Variants in ASMTL observed in about 807,000 individuals in gnomAD.
ASMTL encodes the protein acetylserotonin O-methyltransferase like, also known as probable bifunctional dTTP/UTP pyrophosphatase/methyltransferase protein.
In ASMTL, 57 loss-of-function variants were observed where a neutral mutation model predicts 60.3. The observed-to-expected ratio is 0.95, with a 90% CI of 0.76 to 1.18. The LOEUF (loss-of-function observed/expected upper bound fraction) is 1.18, where lower values mean the gene tolerates loss of function less well. Ranked by LOEUF, ASMTL falls within the 50% of genes most tolerant of loss-of-function variation. The probability of loss-of-function intolerance (pLI) is 0.00; values close to 1 mark genes in which losing one functional copy is unlikely to be tolerated. For synonymous variants in ASMTL, 419 were observed against 373.0 expected (o/e 1.12, Z -1.42); for missense variants, 981 against 852.6 (o/e 1.15, Z -1.88).
chrX:1,419,052 C>A lies in ASMTL; in HGVS notation c.1308G>T (p.Thr436=). ...TGGCCACCTGGCACGCAGTCAGCTT[C>A]GTCATGCCGTGCATGGCCCGCATGA... ...LRFMRAMHGM[T]KLTACQVATA... is the part of the protein sequence containing the mutation. Residue 436 remains threonine (T), a synonymous_variant, in exon 10 of 13, where the codon ACG becomes ACT. Transcript: ENST00000381317. 6.2e-7 allele frequency: 1 copy of A among 1,611,478 alleles called. No individual in the cohort carries two copies. The highest frequency in any genetic ancestry group is 8.5e-7 in the Non-Finnish European group (1 of 1,179,626).
rs763429898 is a variant in ASMTL at position 1,407,581 on chromosome X, G to C, written c.1646-4092C>G. Among the ~76,000 whole-genome samples, 3 of 152,158 alleles carry C rather than the reference G, an allele frequency of 2.0e-5. No individual in the cohort carries two copies. In the East Asian group the frequency reaches 5.8e-4, roughly 29 times the overall value. The stretch of plus-strand genomic sequence containing the variant: ...GATAATAAATGATAGACAGATGACA[G>C]GTGACGGAGCATTGTTAGAAGGCCA... On this transcript the variant is annotated intron_variant, in intron 12 of 12. Transcript: ENST00000381317.
Position 1,448,858 on chromosome X carries a change from C to T in ASMTL, c.93+3890G>A, listed in dbSNP as rs745593813. Among the ~76,000 whole-genome samples, 185 of 152,172 alleles carry T rather than the reference C, an allele frequency of 1.2e-3. 1 individual carries two copies. The highest frequency in any genetic ancestry group is 4.3e-3 in the African/African-American group (179 of 41,504). The stretch of plus-strand genomic sequence containing the variant: ...CATGCATGGTCATCTTTGACACACA[C>T]CACCATCTTGGACACACACCGCCAT... On this transcript the variant is annotated intron_variant, in intron 1 of 12. Coordinates refer to ENST00000381317, the MANE Select transcript of ASMTL (RefSeq NM_004192.4).
intron 1 of ASMTL, among the ~76,000 whole-genome samples, chrX:1,443,615 GGACA>G (rs1300942511): frequency 6.7e-6 from 1 of 148,296 alleles, no homozygotes; most frequent in Non-Finnish European, 1.5e-5. Flanking sequence ...CCGCCATCGT[GGACA>G]GACACCGCCA....
chrX:1,437,835 TGCAATGAGCTGAGA>T (rs1187737381), intron 3 of ASMTL, among the ~76,000 whole-genome samples: 1 of 144,518 alleles, frequency 6.9e-6, no homozygotes, highest in East Asian at 2.1e-4. Flanking sequence ...AGGCGGAGGT[TGCAATGAGCTGAGA>T]TCATGCCACT....
Position 1,427,771 on chromosome X carries a change from CGT to C in ASMTL, c.858_859del (p.Arg287ProfsTer6). On this transcript the variant is annotated frameshift_variant, in exon 7 of 13. Transcript: ENST00000381317. LOFTEE classifies it high-confidence loss of function. ...AAAGCCCTCAATCAGCTCCAGGAGG[CGT>C]GTCGGGAACGGAGGCAGGGTCTCCC... The C allele has an allele frequency of 6.2e-7, 1 of 1,612,692 alleles. No homozygotes were observed. Among genetic ancestry groups the C allele is most frequent in the African/African-American group, 1.3e-5 (1 of 75,036 alleles).
intron 1 of ASMTL, among the ~76,000 whole-genome samples, chrX:1,449,653 C>A (rs1293844409): frequency 4.1e-5 from 4 of 96,652 alleles, no homozygotes; most frequent in East Asian, 3.6e-4. Flanking sequence ...CCAGTAACTA[C>A]CCCCCATCAC....
chrX:1,443,197 C>A (rs1392737684), intron 1 of ASMTL, among the ~76,000 whole-genome samples: 1 of 151,550 alleles, frequency 6.6e-6, no homozygotes, highest in Non-Finnish European at 1.5e-5. Flanking sequence ...CGTGGACACA[C>A]ACTGCCATCT....
At chrX:1,444,655 A>G (rs2149345522) in intron 1 of ASMTL, among the ~76,000 whole-genome samples, 1 of 152,016 alleles carries the variant, frequency 6.6e-6, no homozygotes, top group South Asian at 2.1e-4. Flanking sequence ...GATCCTTTAG[A>G]GCCTCTGGCC....
chrX:1,442,438 G>A (rs1395811338), intron 1 of ASMTL, 121 bp from the exon 2 acceptor site: 3 of 1,135,734 alleles, frequency 2.6e-6, no homozygotes, highest in African/African-American at 3.1e-5. Flanking sequence ...TGTCCCAGGT[G>A]AGCTCATCCA....
Position 1,431,679 on chromosome X carries a change from G to A in ASMTL, c.509+590C>T, listed in dbSNP as rs1410665763. On this transcript the variant is annotated intron_variant, in intron 6 of 12. Coordinates refer to ENST00000381317, the MANE Select transcript of ASMTL (RefSeq NM_004192.4). ...TAATGTAGATTATATATAATTAATA[G>A]AATATATAATGTGGAATACATAAAT... Among the ~76,000 whole-genome samples, 4 of 145,914 alleles carry A rather than the reference G, an allele frequency of 2.7e-5. No individual in the cohort carries two copies. In the South Asian group the frequency reaches 8.5e-4, roughly 31 times the overall value.
Position 1,418,096 on chromosome X carries a change from G to A in ASMTL, c.1399C>T (p.Arg467Ter), listed in dbSNP as rs772014044. The change falls in exon 11 of 13, where the codon CGA (arginine) becomes TGA (stop). Residue 467 changes from arginine to a stop codon, truncating the protein, a stop_gained. Transcript: ENST00000381317. LOFTEE classifies it high-confidence loss of function. ...DVGGCTGALA[R>*]ELAREYPRMQ... is the part of the protein sequence containing the mutation. The stretch of plus-strand genomic sequence containing the variant: ...CGAGGGTACTCACGGGCCAGCTCTC[G>A]GGCCAGTGCACCCGTGCAGCCTGCG... 21 of 1,610,080 alleles carry A rather than the reference G, an allele frequency of 1.3e-5. No homozygotes were observed. The Middle Eastern group carries it at 1.0e-3, about 77-fold the overall frequency.
In ASMTL at chrX:1,412,835, G is replaced by C. The variant is rs756269975; in HGVS notation, c.1542C>G (p.Pro514=). Residue 514 remains proline, a synonymous_variant, in exon 12 of 13, where the codon CCC becomes CCG. Transcript: ENST00000381317. ...GGACGTACAGCTCAGCGCTGGGGAG[G>C]GGGTCCCTGAAAAAGTCACCTGGTT... ...HFAAGDFFRD[P]LPSAELYVLC... The C allele has an allele frequency of 6.2e-7, 1 of 1,613,874 alleles. No homozygotes were observed. The highest frequency in any genetic ancestry group is 8.5e-7 in the Non-Finnish European group (1 of 1,179,820).
intron 1 of ASMTL, among the ~76,000 whole-genome samples, chrX:1,449,741 C>CT (rs1219196270): frequency 5.0e-4 from 70 of 140,270 alleles, no homozygotes; most frequent in African/African-American, 1.9e-3. Context: ...AGTAACTATC[C>CT]CCCATCACCA....
chrX:1,431,165 T>A (rs1265585541), intron 6 of ASMTL, among the ~76,000 whole-genome samples: 1 of 123,308 alleles, frequency 8.1e-6, no homozygotes, highest in African/African-American at 3.4e-5. Context: ...TAATTTATAT[T>A]TATATAATTG....
chrX:1,446,089 C>T (rs1285735758), intron 1 of ASMTL, among the ~76,000 whole-genome samples: 1 of 152,230 alleles, frequency 6.6e-6, no homozygotes, highest in African/African-American at 2.4e-5. Context: ...TCCTGTACAC[C>T]TGGCTCTGCC....
intron 11 of ASMTL, among the ~76,000 whole-genome samples, chrX:1,417,670 C>G (rs1236158999): frequency 6.6e-6 from 1 of 151,532 alleles, no homozygotes. Context: ...CATACTCTCA[C>G]AGAAACATAT....
In ASMTL at chrX:1,432,936, A is replaced by G. The variant is rs759958509; in HGVS notation, c.401-559T>C. Among the ~76,000 whole-genome samples, 4 of 152,406 alleles carry G rather than the reference A, an allele frequency of 2.6e-5. No homozygotes were observed. In the South Asian group the frequency reaches 8.3e-4, roughly 32 times the overall value. On this transcript the variant is annotated intron_variant, in intron 5 of 12. Transcript: ENST00000381317. ...AACATGGCGAAACCCCGTCTCTACT[A>G]AAAATACAAAAATTAGCCGGGCGTG... is the stretch of plus-strand genomic sequence containing the variant.
intron 9 of ASMTL, among the ~76,000 whole-genome samples, chrX:1,420,642 C>G (rs1273250388): frequency 9.2e-5 from 14 of 152,342 alleles, no homozygotes; most frequent in African/African-American, 3.4e-4. Context: ...TCTCACACGT[C>G]CACCTCAGGA....
At chrX:1,445,030 C>G (rs2091204227) in intron 1 of ASMTL, among the ~76,000 whole-genome samples, 1 of 152,122 alleles carries the variant, frequency 6.6e-6, no homozygotes, top group Non-Finnish European at 1.5e-5. Flanking sequence ...CTGCGCGGCT[C>G]CAGTTTGGGA....
Sources: allele counts gnomAD v4.1 joint callset (sites outside exome capture counted in the v4.1 genomes callset), GRCh38; gene constraint gnomAD v4.1.1; transcripts MANE v1.5; gene names NCBI Gene and HGNC (gene_info 2026-07-23, HGNC 2026-07-21).